The following SPEN variants were observed in gnomAD, a reference collection of about 807,000 sequenced individuals.
SPEN encodes the protein spen family transcriptional repressor.
A neutral mutation model predicts 269.9 loss-of-function variants in SPEN; 18 were observed. The observed-to-expected ratio is 0.07, with a 90% CI of 0.05 to 0.10. The LOEUF (loss-of-function observed/expected upper bound fraction) is 0.10. Among genes scored for constraint, SPEN ranks in the 10% least tolerant of loss-of-function variants. The probability of loss-of-function intolerance (pLI) is 1.00; values close to 1 mark genes in which losing one functional copy is unlikely to be tolerated. For synonymous variants in SPEN, 1,726 were observed against 1,765.7 expected, an observed-to-expected ratio of 0.98 and a Z score of 0.56; for missense variants, 3,822 against 4,631.2, an observed-to-expected ratio of 0.83 and a Z score of 5.07.
intron 3 of SPEN, among the ~76,000 whole-genome samples, chr1:15,906,760 G>A (rs970442070): frequency 1.4e-5 from 2 of 146,254 alleles, no homozygotes; most frequent in African/African-American, 5.1e-5. Context: ...CACTGCACTC[G>A]GCATGTTTTC....
At position 15,876,586 on chromosome 1, in the gene SPEN, T is replaced by G; in HGVS notation, c.789T>G (p.Ser263=). The G allele has an allele frequency of 2.5e-6, 4 of 1,614,050 alleles. No homozygotes were observed. The highest frequency in any genetic ancestry group is 3.4e-6 in the Non-Finnish European group (4 of 1,180,020). Residue 263 remains serine, a synonymous_variant, in exon 3 of 15, where the codon TCT becomes TCG. Transcript: ENST00000375759. ...QSPQRLASQA[S]RPTRSPSGSG... ...CTCAGAGACTGGCTAGCCAAGCATCTAGACCCACAAGGTCCCCTAGCGGCA... is the reference window on the plus strand; with the variant it reads ...CTCAGAGACTGGCTAGCCAAGCATCGAGACCCACAAGGTCCCCTAGCGGCA...
At chr1:15,927,356 A>G (rs535999340) in intron 10 of SPEN, among the ~76,000 whole-genome samples, 2 of 152,298 alleles carry the variant, frequency 1.3e-5, no homozygotes, top group African/African-American at 2.4e-5. Context: ...TACAGATATT[A>G]TCTTAATCTT....
Position 15,935,309 on chromosome 1 carries a change from T to A in SPEN, c.9069T>A (p.Ala3023=). The A allele has an allele frequency of 6.2e-7, 1 of 1,614,084 alleles. No individual in the cohort carries two copies. The highest frequency in any genetic ancestry group is 8.5e-7 in the Non-Finnish European group (1 of 1,180,008). ...VSHLAAAKLD[A]HSPRPSGPGP... is the part of the protein sequence containing the mutation. ...ATTTGGCAGCTGCAAAGCTAGATGC[T>A]CATTCTCCTCGACCAAGTGGACCCG... Residue 3023 remains alanine, a synonymous_variant, in exon 11 of 15, where the codon GCT becomes GCA. Coordinates refer to ENST00000375759, the MANE Select transcript of SPEN (RefSeq NM_015001.3). This position sits in a 1 kb window ranked among gnomAD's most constrained non-coding sequence, Gnocchi z 7.7.
intron 3 of SPEN, among the ~76,000 whole-genome samples, chr1:15,899,537 GTTTTTTTTTTT>G (rs34565365): frequency 4.8e-5 from 4 of 83,432 alleles, no homozygotes; most frequent in South Asian, 9.3e-4. Context: ...ATGTGGCAGA[GTTTTTTTTTTT>G]TTTTTTTTTT....
At chr1:15,890,822 C>A (rs987616570) in intron 3 of SPEN, among the ~76,000 whole-genome samples, 1 of 152,174 alleles carries the variant, frequency 6.6e-6, no homozygotes, top group Admixed American at 6.5e-5. Flanking sequence ...TAATCTATCT[C>A]TATAGCCTAT....
rs2070302415 is a variant in SPEN at position 15,848,690 on chromosome 1, G to C, written c.83+540G>C. On this transcript the variant is annotated intron_variant, in intron 1 of 14. Coordinates refer to ENST00000375759, the MANE Select transcript of SPEN (RefSeq NM_015001.3). This position sits in a 1 kb window ranked among gnomAD's most constrained non-coding sequence, Gnocchi z 5.1. ...GTACTGTGGTCGCGTCGCGGACCCG[G>C]AGAGACCATCTAGGACCTCTCCGGA... 6.6e-6 allele frequency among the ~76,000 whole-genome samples: 1 copy of C among 152,240 alleles called. No homozygotes were observed. The highest frequency in any genetic ancestry group is 2.4e-5 in the African/African-American group (1 of 41,464).
At position 15,933,804 on chromosome 1, in the gene SPEN, A is replaced by G; in HGVS notation, c.7564A>G (p.Thr2522Ala). The G allele has an allele frequency of 6.2e-7, 1 of 1,613,426 alleles. No homozygotes were observed. The highest frequency in any genetic ancestry group is 8.5e-7 in the Non-Finnish European group (1 of 1,180,018). The change falls in exon 11 of 15, where the codon ACA (threonine) becomes GCA (alanine). Residue 2522 changes from threonine (T) to alanine (A), a missense_variant. Physicochemically the swap from Thr to Ala is moderately conservative, Grantham distance 58 (BLOSUM62 0). Around this residue, in one of 16 missense-constraint regions of SPEN, gnomAD observed 727 missense variants for 737.9 expected, o/e 0.99. Transcript: ENST00000375759. The surrounding 1 kb of genome is among the most constrained non-coding windows in gnomAD (Gnocchi z 5.7). ...TCCATCTCCAGCTCTTCCCCCAGAC[A>G]CAAAGGCCTCTGATGTTGACACCAG... is the stretch of plus-strand genomic sequence containing the variant. Reference protein sequence around the residue: ...STPSPALPPDTKASDVDTSSS... With the variant: ...STPSPALPPDAKASDVDTSSS...
intron 3 of SPEN, among the ~76,000 whole-genome samples, chr1:15,885,746 T>TTA (rs2070730948): frequency 6.6e-6 from 1 of 152,218 alleles, no homozygotes; most frequent in African/African-American, 2.4e-5. Flanking sequence ...TTTGGTACTG[T>TTA]TTAGCAGCAT....
rs181026969 is a variant in SPEN at position 15,865,024 on chromosome 1, T to C, written c.84-7792T>C. Among the ~76,000 whole-genome samples, 85 of 151,906 alleles carry C rather than the reference T, an allele frequency of 5.6e-4. 2 individuals carry two copies. The highest frequency in any genetic ancestry group is 2.0e-3 in the Admixed American group (31 of 15,182). On this transcript the variant is annotated intron_variant, in intron 1 of 14. Transcript: ENST00000375759. The stretch of plus-strand genomic sequence containing the variant: ...CCATTTTTAAGATTTTGAGTGAAAT[T>C]GAGCAGCTTTGAGTGTGTTTTTAAT...
chr1:15,902,224 C>T lies in SPEN; in HGVS notation c.882-7097C>T, dbSNP rs548321853. Reference sequence around the variant, plus strand: ...GATTACAGGCGTGAGCCACTGTGCCCGGCCTGAAAATCTTTTAAACGTCTG... The same window carrying T: ...GATTACAGGCGTGAGCCACTGTGCCTGGCCTGAAAATCTTTTAAACGTCTG... On this transcript the variant is annotated intron_variant, in intron 3 of 14. Transcript: ENST00000375759. Among the ~76,000 whole-genome samples the T allele has an allele frequency of 7.9e-5, 12 of 152,228 alleles. No individual in the cohort carries two copies. The South Asian group carries it at 1.2e-3, about 16-fold the overall frequency.
At chr1:15,938,940 G>GGCCT in intron 14 of SPEN, 64 bp downstream of exon 14, 2 of 1,558,284 alleles carry the variant, frequency 1.3e-6, no homozygotes, top group Non-Finnish European at 1.7e-6. Flanking sequence ...AGGGTAGGTG[G>GGCCT]GCCTACTCAT....
chr1:15,872,222 CAAAAAA>C (rs58028111), intron 1 of SPEN, among the ~76,000 whole-genome samples: 24 of 62,172 alleles, frequency 3.9e-4, no homozygotes, highest in Admixed American at 9.8e-4. Context: ...GACTCTGTCT[CAAAAAA>C]AAAAAAAAAA....
chr1:15,936,327 C>A, intron 11 of SPEN, 61 bp downstream of exon 11: 1 of 1,484,314 alleles, frequency 6.7e-7, no homozygotes, highest in Non-Finnish European at 9.0e-7. Flanking sequence ...GCTCAGCAGG[C>A]TTTTAAGCCA....
Position 15,935,878 on chromosome 1 carries a change from C to T in SPEN, c.9638C>T (p.Ala3213Val), listed in dbSNP as rs372303430. 35 of 1,613,356 alleles carry T rather than the reference C, an allele frequency of 2.2e-5. No individual in the cohort carries two copies. Among genetic ancestry groups the T allele is most frequent in the Non-Finnish European group, 2.3e-5 (27 of 1,179,978 alleles). ...GCAGTCAGCGAGCAGCCCAGGGCCG[C>T]GGATGGGGTGGTGAAGGTGCCACCA... ...VTAVSEQPRA[A>V]DGVVKVPPAS... The change falls in exon 11 of 15, where the codon GCG (alanine) becomes GTG (valine). Residue 3213 changes from alanine (A) to valine (V), a missense_variant. Ala to Val is a moderately conservative substitution (Grantham distance 64). This residue lies in a region of SPEN where 359 missense variants were observed against 377.3 expected (regional missense o/e 0.95). Transcript: ENST00000375759. The surrounding 1 kb of genome is among the most constrained non-coding windows in gnomAD (Gnocchi z 7.7).
At position 15,932,376 on chromosome 1, in the gene SPEN, A is replaced by G; in HGVS notation, c.6136A>G (p.Lys2046Glu). 1 of 1,614,150 alleles carries G rather than the reference A, an allele frequency of 6.2e-7. No individual in the cohort carries two copies. Among genetic ancestry groups the G allele is most frequent in the East Asian group, 2.2e-5 (1 of 44,876 alleles). The change falls in exon 11 of 15, where the codon AAA becomes GAA. Residue 2046 changes from lysine (K) to glutamate (E), a missense_variant. Lys to Glu is a moderately conservative substitution (Grantham distance 56). Transcript: ENST00000375759. The surrounding 1 kb of genome is among the most constrained non-coding windows in gnomAD (Gnocchi z 4.2). ...AGGGAGTGAACAGAAACGTGACAGA[A>G]AAGATGCTGGCACAGACAAAAACCC... is the stretch of plus-strand genomic sequence containing the variant. ...EAGSEQKRDR[K>E]DAGTDKNPPE...
intron 6 of SPEN, 114 bp downstream of exon 6, chr1:15,916,393 G>A (rs947391434): frequency 8.6e-7 from 1 of 1,156,672 alleles, no homozygotes; most frequent in Non-Finnish European, 1.2e-6. Context: ...GAACATTGTT[G>A]TGTGCTTTTA....
In SPEN at chr1:15,848,052, C is replaced by T. The variant is rs1257136882; in HGVS notation, c.-16C>T. On this transcript the variant is annotated 5_prime_UTR_variant, in exon 1 of 15. Transcript: ENST00000375759. The surrounding 1 kb of genome is among the most constrained non-coding windows in gnomAD (Gnocchi z 5.1). ...AGGGGGAGCCAGCAGCGGCGGTCGC[C>T]GGCACGCCGCCCAGCATGGTCCGGG... 7.8e-6 allele frequency: 11 copies of T among 1,408,142 alleles called. No homozygotes were observed. The highest frequency in any genetic ancestry group is 3.0e-5 in the East Asian group (1 of 33,200). 87.2% of individuals were successfully genotyped at this position (1,408,142 alleles called of 1,614,324 possible).
intron 1 of SPEN, among the ~76,000 whole-genome samples, chr1:15,865,251 G>A (rs1361235640): frequency 4.6e-5 from 7 of 151,610 alleles, no homozygotes; most frequent in East Asian, 2.0e-4. Flanking sequence ...GGATTTCACC[G>A]TCTTGCTCCC....
intron 5 of SPEN, among the ~76,000 whole-genome samples, chr1:15,915,521 ATCTATTTTATTTTT>A (rs1293550824): frequency 3.3e-5 from 5 of 152,218 alleles, no homozygotes; most frequent in African/African-American, 7.2e-5. Context: ...AAAGATATCT[ATCTATTTTATTTTT>A]TCTATTTTAT....
Sources: gnomAD v4.1 joint callset for allele counts (sites outside exome capture counted in the v4.1 genomes callset) on GRCh38, gnomAD v4.1.1 for gene constraint, gnomAD v4.1.1 regional missense constraint, Gnocchi (gnomAD v3.1) non-coding constraint, MANE v1.5 for transcripts, NCBI Gene and HGNC (gene_info 2026-07-23, HGNC 2026-07-21) for gene names.